Variants in MIER1 observed in about 807,000 individuals in gnomAD.
The protein encoded by MIER1 is mesoderm induction early response protein 1.
A neutral mutation model predicts 75.7 loss-of-function variants in MIER1; 40 were observed. That is an observed-to-expected ratio of 0.53 (90% confidence interval 0.41 to 0.69). MIER1 has a LOEUF of 0.69. MIER1 is among the 30% of genes least tolerant of loss of function. MIER1 has a pLI of 0.00. For synonymous variants in MIER1, 213 were observed against 223.4 expected (o/e 0.95, Z 0.42); for missense variants, 574 against 680.2 (o/e 0.84, Z 1.74).
At chr1:66,926,391 G>A in intron 2 of MIER1, 149 bp downstream of exon 2, 1 of 606,116 alleles carries the variant, frequency 1.6e-6, no homozygotes, top group Non-Finnish European at 3.0e-6. Context: ...AAAATAACAT[G>A]TCATCAATGT....
chr1:66,964,739 A>G (rs530703305), intron 8 of MIER1, among the ~76,000 whole-genome samples: 1 of 152,172 alleles, frequency 6.6e-6, no homozygotes, highest in South Asian at 2.1e-4. Flanking sequence ...GGCATGAGCC[A>G]CTGCACCTGG....
In MIER1 at chr1:66,984,673, C is replaced by G. The variant is rs1442796559; in HGVS notation, c.1471C>G (p.His491Asp). The G allele has an allele frequency of 6.2e-7, 1 of 1,613,840 alleles. No individual in the cohort carries two copies. Among genetic ancestry groups the G allele is most frequent in the African/African-American group, 1.3e-5 (1 of 74,914 alleles). The change falls in exon 14 of 14, where the codon CAT becomes GAT. Residue 491 changes from histidine (H) to aspartate (D), a missense_variant. His to Asp is a moderately conservative substitution (Grantham distance 81). Transcript: ENST00000401041. ...GPTGGNKKPL[H>D]ADMDTNGYET... ...AACAGGTGGAAATAAGAAACCACTT[C>G]ATGCAGATATGGATACTAATGGTTA...
chr1:66,964,701 C>T (rs1348251644), intron 8 of MIER1, among the ~76,000 whole-genome samples: 2 of 152,112 alleles, frequency 1.3e-5, no homozygotes, highest in African/African-American at 4.8e-5. Flanking sequence ...ATTCGCCTGC[C>T]TCAGCCTCCT....
At chr1:66,959,247 C>T (rs1660758150) in intron 6 of MIER1, among the ~76,000 whole-genome samples, 1 of 151,898 alleles carries the variant, frequency 6.6e-6, no homozygotes, top group East Asian at 1.9e-4. Flanking sequence ...GTTTCATGGT[C>T]ATCTTTTTGT....
intron 4 of MIER1, among the ~76,000 whole-genome samples, chr1:66,951,839 G>A (rs1216985109): frequency 1.3e-5 from 2 of 152,056 alleles, no homozygotes; most frequent in Non-Finnish European, 2.9e-5. Context: ...ACAGGATGCT[G>A]TATACTTAAC....
intron 1 of MIER1, 86 bp downstream of exon 1, chr1:66,925,181 C>G (rs1558000585): frequency 4.1e-6 from 6 of 1,470,774 alleles, no homozygotes; most frequent in Non-Finnish European, 5.4e-6. Flanking sequence ...TCCCCTTTCT[C>G]TCCTTCCCCT....
In MIER1 at chr1:66,958,178, T is replaced by A. The variant is rs1306879667; in HGVS notation, c.459T>A (p.Asp153Glu). Residue 153 changes from aspartate (D) to glutamate (E), a missense_variant, in exon 5 of 14, where the codon GAT (aspartate) becomes GAA (glutamate). Asp to Glu is a conservative substitution (Grantham distance 45). This residue lies in a region of MIER1 where 309 missense variants were observed against 352.8 expected (regional missense o/e 0.88). Transcript: ENST00000401041. Reference protein sequence around the residue: ...EEEEEGEDDEDADNDDNSGCS... With the variant: ...EEEEEGEDDEEADNDDNSGCS... ...AAGAAGAAGGTGAAGATGATGAAGA[T>A]GCTGATAATGATGACAACAGTGGCT... 1 of 1,603,978 alleles carries A rather than the reference T, an allele frequency of 6.2e-7. No homozygotes were observed. The highest frequency in any genetic ancestry group is 1.1e-5 in the South Asian group (1 of 90,834).
chr1:66,982,922 C>G (rs1666188729), intron 13 of MIER1, among the ~76,000 whole-genome samples: 2 of 152,322 alleles, frequency 1.3e-5, no homozygotes, highest in South Asian at 4.1e-4. Context: ...GAATAAGATG[C>G]TGAGACTCTG....
intron 1 of MIER1, chr1:66,925,551 G>C (rs1250844567): frequency 1.0e-6 from 1 of 985,390 alleles, no homozygotes; most frequent in Non-Finnish European, 1.2e-6. Flanking sequence ...AGCGCCCTGG[G>C]CCAACTTGCC....
chr1:66,954,929 G>A (rs1465052663), intron 4 of MIER1, among the ~76,000 whole-genome samples: 3 of 151,974 alleles, frequency 2.0e-5, no homozygotes, highest in Non-Finnish European at 2.9e-5. Context: ...GGCTGGTCTC[G>A]AACTCCTGAC....
At chr1:66,957,164 T>C (rs951145722) in intron 4 of MIER1, among the ~76,000 whole-genome samples, 5 of 152,256 alleles carry the variant, frequency 3.3e-5, no homozygotes, top group African/African-American at 7.2e-5. Context: ...AATTCTGTTA[T>C]GTTTCCCTGA....
intron 12 of MIER1, 101 bp from the exon 13 acceptor site, chr1:66,981,678 A>C (rs1458592081): frequency 3.6e-6 from 3 of 841,254 alleles, no homozygotes; most frequent in Non-Finnish European, 5.6e-6. Flanking sequence ...TGTTAAGTGA[A>C]TATTAGGATA....
At chr1:66,966,438 A>T (rs995350316) in intron 8 of MIER1, among the ~76,000 whole-genome samples, 1 of 152,170 alleles carries the variant, frequency 6.6e-6, no homozygotes, top group Non-Finnish European at 1.5e-5. Flanking sequence ...TCTATCACTG[A>T]TGGACATTTG....
At chr1:66,930,680 G>A (rs573929641) in intron 2 of MIER1, among the ~76,000 whole-genome samples, 1 of 152,098 alleles carries the variant, frequency 6.6e-6, no homozygotes, top group African/African-American at 2.4e-5. Context: ...GGCGCCCGCC[G>A]GGGAAGGGGT....
intron 7 of MIER1, 92 bp from the exon 8 acceptor site, chr1:66,962,996 C>T: frequency 1.2e-6 from 1 of 831,132 alleles, no homozygotes. Context: ...GACAGAGAAA[C>T]CAGGAACAGT....
chr1:66,930,668 G>T (rs1178248418), intron 2 of MIER1, among the ~76,000 whole-genome samples: 1 of 151,938 alleles, frequency 6.6e-6, no homozygotes, highest in Non-Finnish European at 1.5e-5. Flanking sequence ...CGAGGGGGAG[G>T]GGGCGCCCGC....
rs1666613470 is a variant in MIER1, at chr1:66,985,138, A to G, written c.*238A>G. Reference sequence around the variant, plus strand: ...GTAAATTTGAATGAACTAAAGATATATCTCTACCTTCTCATTTGAATATCT... The same window carrying G: ...GTAAATTTGAATGAACTAAAGATATGTCTCTACCTTCTCATTTGAATATCT... On this transcript the variant is annotated 3_prime_UTR_variant, in exon 14 of 14. Transcript: ENST00000401041. 4 of 1,102,984 alleles carry G rather than the reference A, an allele frequency of 3.6e-6. No homozygotes were observed. In the South Asian group the frequency reaches 1.0e-4, roughly 28 times the overall value. 68.3% of individuals were successfully genotyped at this position (1,102,984 alleles called of 1,614,324 possible). A position where few individuals can be genotyped will look rare whatever the true frequency, so the allele number is the denominator to read the frequency against.
chr1:66,930,281 GAGCGGCAGAGACGGC>G, intron 2 of MIER1: 3 of 1,542,812 alleles, frequency 1.9e-6, no homozygotes, highest in Non-Finnish European at 2.6e-6. Context: ...GTGGCGGCGG[GAGCGGCAGAGACGGC>G]AGCGGCCGGA....
At chr1:66,956,141 G>T (rs544534727) in intron 4 of MIER1, among the ~76,000 whole-genome samples, 1 of 152,152 alleles carries the variant, frequency 6.6e-6, no homozygotes, top group Non-Finnish European at 1.5e-5. Context: ...ACTAGCTTTA[G>T]GCTGGGCACG....
Sources: gnomAD v4.1 joint callset for allele counts (sites outside exome capture counted in the v4.1 genomes callset) on GRCh38, gnomAD v4.1.1 for gene constraint, gnomAD v4.1.1 regional missense constraint, MANE v1.5 for transcripts, NCBI Gene and HGNC (gene_info 2026-07-23, HGNC 2026-07-21) for gene names.